OR9Q1: variants seen among roughly 807,000 people sequenced by gnomAD.
The protein encoded by OR9Q1 is olfactory receptor family 9 subfamily Q member 1.
For synonymous variants in OR9Q1, 153 were observed against 148.6 expected (o/e 1.03, Z -0.22); for missense variants, 374 against 378.8 (o/e 0.99, Z 0.11).
Position 58,079,169 on chromosome 11 carries a change from A to G in OR9Q1, c.-15+23222A>G, listed in dbSNP as rs149717714. ...CTACATCAGGAAGGCCCTAGAGACTACAGCAGAAGGAAGTCAAGGATCTTT... is the reference window on the plus strand; with the variant it reads ...CTACATCAGGAAGGCCCTAGAGACTGCAGCAGAAGGAAGTCAAGGATCTTT... On this transcript the variant is annotated intron_variant, in intron 2 of 2. Coordinates refer to ENST00000335397, the MANE Select transcript of OR9Q1 (RefSeq NM_001005212.4). Among the ~76,000 whole-genome samples the G allele has an allele frequency of 4.1e-4, 63 of 152,312 alleles. No homozygotes were observed. The East Asian group carries it at 8.1e-3, about 20-fold the overall frequency.
chr11:58,144,094 T>G (rs939229420), intron 2 of OR9Q1, among the ~76,000 whole-genome samples: 6 of 151,862 alleles, frequency 4.0e-5, no homozygotes, highest in African/African-American at 7.3e-5. Context: ...TTGTTACATA[T>G]GTATACATGT....
intron 2 of OR9Q1, among the ~76,000 whole-genome samples, chr11:58,176,238 TAGATACATCTAACTCCTC>T (rs1490441241): frequency 6.9e-6 from 1 of 145,678 alleles, no homozygotes; most frequent in East Asian, 1.9e-4. Flanking sequence ...AAATTAAAGT[TAGATACATCTAACTCCTC>T]AAAGGACCAT....
At chr11:58,043,657 T>A (rs1421325065) in intron 1 of OR9Q1, among the ~76,000 whole-genome samples, 6 of 152,238 alleles carry the variant, frequency 3.9e-5, no homozygotes, top group Admixed American at 3.9e-4. Context: ...TTATGCTTCA[T>A]TGCCTTTGAA....
chr11:58,035,743 C>T (rs753210735), intron 1 of OR9Q1, among the ~76,000 whole-genome samples: 2 of 152,148 alleles, frequency 1.3e-5, no homozygotes, highest in Non-Finnish European at 2.9e-5. Context: ...AGGAAGGGCA[C>T]ATTTTGAAAA....
At chr11:58,073,243 A>G (rs909991583) in intron 2 of OR9Q1, 3 of 220,348 alleles carry the variant, frequency 1.4e-5, no homozygotes, top group Non-Finnish European at 3.1e-5. Flanking sequence ...TGTATGACTC[A>G]ATAAGCTCTC....
At chr11:58,090,280 GT>G (rs1261113022) in intron 2 of OR9Q1, among the ~76,000 whole-genome samples, 1 of 152,140 alleles carries the variant, frequency 6.6e-6, no homozygotes, top group East Asian at 1.9e-4. Context: ...ATTGGCTGTG[GT>G]TTTGTCATAA....
intron 2 of OR9Q1, among the ~76,000 whole-genome samples, chr11:58,156,333 C>T (rs1854407493): frequency 6.6e-6 from 1 of 152,166 alleles, no homozygotes; most frequent in Non-Finnish European, 1.5e-5. Context: ...AGAAGACTGC[C>T]ACTCATGAGC....
chr11:58,119,147 G>A, intron 2 of OR9Q1: 1 of 1,614,006 alleles, frequency 6.2e-7, no homozygotes, highest in Non-Finnish European at 8.5e-7. Flanking sequence ...AAAAAGAACT[G>A]GGCAGCACAG....
chr11:58,164,517 T>A (rs1416011633), intron 2 of OR9Q1, among the ~76,000 whole-genome samples: 1 of 152,132 alleles, frequency 6.6e-6, no homozygotes, highest in African/African-American at 2.4e-5. Flanking sequence ...GTAAAGAGAT[T>A]CTTCAGGGAA....
intron 2 of OR9Q1, chr11:58,118,717 G>A: frequency 6.2e-7 from 1 of 1,614,078 alleles, no homozygotes; most frequent in South Asian, 1.1e-5. Flanking sequence ...AGTGATGTGA[G>A]AGGCACATGT....
Position 58,164,536 on chromosome 11 carries a change from T to C in OR9Q1, c.-14-14895T>C, listed in dbSNP as rs568333695. Among the ~76,000 whole-genome samples the C allele has an allele frequency of 3.7e-4, 57 of 152,186 alleles. 1 individual carries two copies. The highest frequency in any genetic ancestry group is 7.2e-4 in the Admixed American group (11 of 15,262). On this transcript the variant is annotated intron_variant, in intron 2 of 2. Coordinates refer to ENST00000335397, the MANE Select transcript of OR9Q1 (RefSeq NM_001005212.4). ...AGAGATTCTTCAGGGAAAGGTGAGATGGGTTTCAGGTGAGGAAACTGATCA... is the reference window on the plus strand; with the variant it reads ...AGAGATTCTTCAGGGAAAGGTGAGACGGGTTTCAGGTGAGGAAACTGATCA...
intron 1 of OR9Q1, chr11:58,030,977 AC>A: frequency 6.2e-7 from 1 of 1,613,862 alleles, no homozygotes; most frequent in Non-Finnish European, 8.5e-7. Context: ...CAAAAACTGG[AC>A]CCAGGTAACT....
At chr11:58,031,691 G>GCTCACCTGCACAGA in intron 1 of OR9Q1, 1 of 1,613,956 alleles carries the variant, frequency 6.2e-7, no homozygotes, top group Non-Finnish European at 8.5e-7. Context: ...TACCTGTGCA[G>GCTCACCTGCACAGA]CTCACCTGAC....
At chr11:58,081,453 A>G (rs1853586393) in intron 2 of OR9Q1, among the ~76,000 whole-genome samples, 1 of 152,048 alleles carries the variant, frequency 6.6e-6, no homozygotes, top group South Asian at 2.1e-4. Flanking sequence ...AAGTGTTCCT[A>G]TTTCTCCATG....
intron 2 of OR9Q1, among the ~76,000 whole-genome samples, chr11:58,132,521 C>T: frequency 6.6e-6 from 1 of 152,212 alleles, no homozygotes; most frequent in East Asian, 1.9e-4. Context: ...ATGTGCCAGA[C>T]ATTGCTCTGG....
At chr11:58,077,780 AG>A (rs1429981814) in intron 2 of OR9Q1, 1 of 152,188 alleles carries the variant, frequency 6.6e-6, no homozygotes, top group African/African-American at 2.4e-5. Flanking sequence ...TCATCACAGA[AG>A]AAGCGGGCAA....
At chr11:58,176,129 G>A (rs143313590) in intron 2 of OR9Q1, among the ~76,000 whole-genome samples, 9 of 152,300 alleles carry the variant, frequency 5.9e-5, no homozygotes, top group Admixed American at 2.6e-4. Flanking sequence ...TGGGTAATGT[G>A]GAGCAAAGTC....
At chr11:58,059,156 G>A (rs1475619477) in intron 2 of OR9Q1, among the ~76,000 whole-genome samples, 2 of 152,110 alleles carry the variant, frequency 1.3e-5, no homozygotes, top group African/African-American at 2.4e-5. Flanking sequence ...ACCAACTGAC[G>A]TTTTTAGAAA....
chr11:58,139,819 A>C (rs1565087756), intron 2 of OR9Q1, among the ~76,000 whole-genome samples: 1 of 152,024 alleles, frequency 6.6e-6, no homozygotes, highest in Non-Finnish European at 1.5e-5. Flanking sequence ...TGGCTGGGTC[A>C]AATGCTATTT....
Sources: allele counts gnomAD v4.1 joint callset (sites outside exome capture counted in the v4.1 genomes callset), GRCh38; gene constraint gnomAD v4.1.1; transcripts MANE v1.5; gene names NCBI Gene and HGNC (gene_info 2026-07-23, HGNC 2026-07-21).